The following ELOVL7 variants were observed in gnomAD, a reference collection of about 807,000 sequenced individuals.
ELOVL7 encodes the protein ELOVL fatty acid elongase 7, also known as very long chain fatty acid elongase 7.
ELOVL7 carries 27 observed loss-of-function variants against 35.7 expected under a neutral mutation model. The observed-to-expected ratio is 0.76, with a 90% CI of 0.56 to 1.04. The LOEUF (loss-of-function observed/expected upper bound fraction) is 1.04, where lower values mean the gene tolerates loss of function less well. Among genes scored for constraint, ELOVL7 ranks in the 50% least tolerant of loss-of-function variants. The pLI is 0.00. For missense variants in ELOVL7, 327 were observed against 340.8 expected (o/e 0.96, Z 0.32); for synonymous variants, 113 against 114.6 (o/e 0.99, Z 0.09).
At chr5:60,766,749 C>T in intron 5 of ELOVL7, 119 bp from the exon 6 acceptor site, 3 of 778,466 alleles carry the variant, frequency 3.9e-6, no homozygotes, top group Non-Finnish European at 6.2e-6. Context: ...TCTTAGTGCA[C>T]AGTTAAGTGG....
At chr5:60,827,244 T>G (rs1278096482) in intron 1 of ELOVL7, among the ~76,000 whole-genome samples, 1 of 152,308 alleles carries the variant, frequency 6.6e-6, no homozygotes, top group African/African-American at 2.4e-5. Context: ...TACGTAATTT[T>G]GATATGAAGG....
chr5:60,758,609 C>T (rs541220325), intron 7 of ELOVL7, among the ~76,000 whole-genome samples: 1 of 152,156 alleles, frequency 6.6e-6, no homozygotes, highest in Non-Finnish European at 1.5e-5. Flanking sequence ...ATTTCCTACC[C>T]ATCACCTTCA....
intron 1 of ELOVL7, among the ~76,000 whole-genome samples, chr5:60,801,622 G>C (rs1018895009): frequency 6.6e-6 from 1 of 151,978 alleles, no homozygotes; most frequent in Non-Finnish European, 1.5e-5. Context: ...ACGATGGCTT[G>C]AGCCCGGGAG....
chr5:60,812,450 G>A (rs1041960373), intron 1 of ELOVL7, among the ~76,000 whole-genome samples: 4 of 152,040 alleles, frequency 2.6e-5, no homozygotes, highest in African/African-American at 7.2e-5. Context: ...ATAGTGACAA[G>A]CCCTCTCTAG....
At chr5:60,800,541 T>C (rs975832090) in intron 1 of ELOVL7, among the ~76,000 whole-genome samples, 3 of 152,250 alleles carry the variant, frequency 2.0e-5, no homozygotes, top group Admixed American at 6.5e-5. Flanking sequence ...TTGAAAGCTT[T>C]TCCTCTAAGA....
intron 3 of ELOVL7, among the ~76,000 whole-genome samples, chr5:60,786,858 C>T (rs971931597): frequency 2.0e-5 from 3 of 151,550 alleles, no homozygotes; most frequent in South Asian, 2.1e-4. Context: ...AGAAGAATGG[C>T]GTGAACCAGG....
intron 3 of ELOVL7, among the ~76,000 whole-genome samples, chr5:60,786,877 G>A (rs950157435): frequency 3.3e-5 from 5 of 151,696 alleles, no homozygotes; most frequent in Admixed American, 1.3e-4. Context: ...GGGAGGCGGA[G>A]GTTGCAGGGA....
At chr5:60,824,438 C>G (rs1226148185) in intron 1 of ELOVL7, among the ~76,000 whole-genome samples, 1 of 152,084 alleles carries the variant, frequency 6.6e-6, no homozygotes, top group East Asian at 1.9e-4. Flanking sequence ...ACAAAGAAGA[C>G]TAAGAAAGGC....
intron 1 of ELOVL7, among the ~76,000 whole-genome samples, chr5:60,800,804 C>G (rs1744562953): frequency 6.6e-6 from 1 of 152,140 alleles, no homozygotes; most frequent in Non-Finnish European, 1.5e-5. Flanking sequence ...GGTTCTGCAT[C>G]CATGGAATCA....
At chr5:60,777,506 A>T (rs1303095868) in intron 3 of ELOVL7, among the ~76,000 whole-genome samples, 1 of 152,078 alleles carries the variant, frequency 6.6e-6, no homozygotes, top group African/African-American at 2.4e-5. Flanking sequence ...TTACACTTAG[A>T]CTGCCTTTAA....
chr5:60,774,333 G>C (rs1413454420), intron 3 of ELOVL7, among the ~76,000 whole-genome samples: 1 of 152,152 alleles, frequency 6.6e-6, no homozygotes, highest in Non-Finnish European at 1.5e-5. Flanking sequence ...GAGCTGCAAA[G>C]TTGGTTCAAC....
rs1006642337 is a variant in ELOVL7 at position 60,751,958 on chromosome 5, T to C, written c.*2666A>G. 1 of 152,126 alleles carries C rather than the reference T, an allele frequency of 6.6e-6. No homozygotes were observed. The highest frequency in any genetic ancestry group is 1.5e-5 in the Non-Finnish European group (1 of 68,014). The allele number at this position is 152,126 out of a possible 1,614,324, so 9.4% of individuals were successfully genotyped here. A position where few individuals can be genotyped will look rare whatever the true frequency, so the allele number is the denominator to read the frequency against. The stretch of plus-strand genomic sequence containing the variant: ...TAAGGCTGTAAATGGCAAAGTCCCA[T>C]AGATATTTAAAAATCTATATTTGTA... On this transcript the variant is annotated 3_prime_UTR_variant, in exon 9 of 9. Transcript: ENST00000508821.
At chr5:60,800,355 C>T (rs975738785) in intron 1 of ELOVL7, among the ~76,000 whole-genome samples, 1 of 152,078 alleles carries the variant, frequency 6.6e-6, no homozygotes, top group South Asian at 2.1e-4. Flanking sequence ...TGTGATATAC[C>T]ACATTAATAA....
intron 1 of ELOVL7, among the ~76,000 whole-genome samples, chr5:60,819,179 T>C (rs1745743430): frequency 6.7e-6 from 1 of 148,828 alleles, no homozygotes; most frequent in Non-Finnish European, 1.5e-5. Flanking sequence ...AAAAATGAAC[T>C]GACAGAAATC....
chr5:60,784,110 C>G, intron 3 of ELOVL7: 1 of 1,489,108 alleles, frequency 6.7e-7, no homozygotes, highest in Non-Finnish European at 9.1e-7. Context: ...TATTAATGGG[C>G]TTTTCCATCA....
At chr5:60,828,999 G>T (rs1261918475) in intron 1 of ELOVL7, among the ~76,000 whole-genome samples, 1 of 152,006 alleles carries the variant, frequency 6.6e-6, no homozygotes, top group Non-Finnish European at 1.5e-5. Flanking sequence ...AGGTATACTG[G>T]AATATTTACA....
chr5:60,778,350 T>C (rs1295065794), intron 3 of ELOVL7, among the ~76,000 whole-genome samples: 1 of 152,194 alleles, frequency 6.6e-6, no homozygotes, highest in Non-Finnish European at 1.5e-5. Context: ...TACATGAACA[T>C]CATTGTATTA....
intron 1 of ELOVL7, among the ~76,000 whole-genome samples, chr5:60,838,556 C>A (rs184834106): frequency 5.7e-4 from 87 of 152,256 alleles, no homozygotes; most frequent in Non-Finnish European, 1.1e-3. Flanking sequence ...TCTGAAACTC[C>A]CCAGTTTTAT....
At chr5:60,756,090 G>A (rs921980011) in intron 8 of ELOVL7, among the ~76,000 whole-genome samples, 2 of 151,934 alleles carry the variant, frequency 1.3e-5, no homozygotes, top group African/African-American at 4.8e-5. Context: ...AAGGCTAAAC[G>A]ATATCCTTAA....
Sources: allele counts gnomAD v4.1 joint callset (sites outside exome capture counted in the v4.1 genomes callset), GRCh38; gene constraint gnomAD v4.1.1; transcripts MANE v1.5; gene names NCBI Gene and HGNC (gene_info 2026-07-23, HGNC 2026-07-21).